CACNA2D4: variants seen among roughly 807,000 people sequenced by gnomAD.
CACNA2D4 encodes calcium voltage-gated channel auxiliary subunit alpha2delta 4.
In CACNA2D4, 157 loss-of-function variants were observed where a neutral mutation model predicts 163.8. The ratio of observed to expected loss-of-function variants is 0.96; its 90% CI spans 0.84 to 1.09. The LOEUF is 1.09. Ranked by LOEUF, CACNA2D4 falls within the 50% of genes least tolerant of loss-of-function variation. The pLI, the probability that CACNA2D4 is intolerant of heterozygous loss-of-function variation, is 0.00. For missense variants in CACNA2D4, 1,410 were observed against 1,479.9 expected (o/e 0.95, Z 0.78); for synonymous variants, 598 against 586.9 (o/e 1.02, Z -0.27).
Position 1,824,871 on chromosome 12 carries a change from C to G in CACNA2D4, c.2552-13148G>C, listed in dbSNP as rs142324459. Among the ~76,000 whole-genome samples the G allele has an allele frequency of 9.7e-3, 1,478 of 152,294 alleles. 13 individuals carry two copies. The highest frequency in any genetic ancestry group is 0.015 in the Admixed American group (226 of 15,306). On this transcript the variant is annotated intron_variant, in intron 26 of 37. Coordinates refer to ENST00000382722, the MANE Select transcript of CACNA2D4 (RefSeq NM_172364.5). ...AGGAGTCCCTCTGTGGTGCCACACA[C>G]ATATGACTGGTGTTCCCTGCAAGCT...
intron 26 of CACNA2D4, chr12:1,831,568 A>T (rs1173778839): frequency 9.2e-6 from 14 of 1,518,792 alleles, no homozygotes; most frequent in Non-Finnish European, 1.2e-5. Flanking sequence ...GATTGGGACG[A>T]TCACCTCTGG....
intron 23 of CACNA2D4, 31 bp from the exon 24 acceptor site, chr12:1,846,720 C>G (rs773309960): frequency 6.4e-7 from 1 of 1,552,556 alleles, no homozygotes. Flanking sequence ...GAATGGTCAC[C>G]ACATGGCTGT....
intron 23 of CACNA2D4, 129 bp from the exon 24 acceptor site, chr12:1,846,818 C>CT: frequency 1.3e-6 from 1 of 756,686 alleles, no homozygotes; most frequent in Admixed American, 2.1e-5. Context: ...TCCAGGAAGG[C>CT]TGGGTTCCTG....
rs1181787062 is a variant in CACNA2D4 at position 1,820,020 on chromosome 12, G to T, written c.2552-8297C>A. Among the ~76,000 whole-genome samples, 1 of 152,228 alleles carries T rather than the reference G, an allele frequency of 6.6e-6. No homozygotes were observed. The highest frequency in any genetic ancestry group is 1.5e-5 in the Non-Finnish European group (1 of 68,040). On this transcript the variant is annotated intron_variant, in intron 26 of 37. Coordinates refer to ENST00000382722, the MANE Select transcript of CACNA2D4 (RefSeq NM_172364.5). The surrounding 1 kb of genome is among the most constrained non-coding windows in gnomAD (Gnocchi z 6.0). Reference sequence around the variant, plus strand: ...GTAGGGTCATCTGGCACATGGACATGCCTGTGTACCCTTCTTTCGTATGAC... The same window carrying T: ...GTAGGGTCATCTGGCACATGGACATTCCTGTGTACCCTTCTTTCGTATGAC...
At chr12:1,837,283 A>C (rs7300436) in intron 26 of CACNA2D4, among the ~76,000 whole-genome samples, 2,923 of 152,228 alleles carry the variant, frequency 0.019, 79 homozygotes, top group African/African-American at 0.06. Flanking sequence ...TTTCAGCCTC[A>C]CTGGATGCTG....
intron 27 of CACNA2D4, 63 bp from the exon 28 acceptor site, chr12:1,810,650 G>A (rs1863676129): frequency 2.0e-6 from 3 of 1,485,782 alleles, no homozygotes; most frequent in South Asian, 2.4e-5. Context: ...GCACGTGTAA[G>A]TGGGAATGCT....
At chr12:1,897,062 G>A (rs1189034912) in intron 6 of CACNA2D4, among the ~76,000 whole-genome samples, 3 of 74,310 alleles carry the variant, frequency 4.0e-5, no homozygotes, top group African/African-American at 1.3e-4. Flanking sequence ...CGGGAGCGGT[G>A]GCTCTTGCTT....
Position 1,917,999 on chromosome 12 carries a change from C to T in CACNA2D4, c.227+248G>A. On this transcript the variant is annotated intron_variant, in intron 1 of 37. Coordinates refer to ENST00000382722, the MANE Select transcript of CACNA2D4 (RefSeq NM_172364.5). The surrounding 1 kb of genome is among the most constrained non-coding windows in gnomAD (Gnocchi z 4.3). ...CAGCAGCCCTGATGATCAGTTCTTC[C>T]TAAAGCCATCCGGCTCCTGGGGAGA... 2.1e-6 allele frequency: 1 copy of T among 471,532 alleles called. No individual in the cohort carries two copies. Among genetic ancestry groups the T allele is most frequent in the Non-Finnish European group, 3.8e-6 (1 of 265,106 alleles). The allele number at this position is 471,532 out of a possible 1,614,324, so 29.2% of individuals were successfully genotyped here.
intron 1 of CACNA2D4, among the ~76,000 whole-genome samples, chr12:1,916,016 T>C (rs1866968290): frequency 6.6e-6 from 1 of 152,126 alleles, no homozygotes; most frequent in South Asian, 2.1e-4. Flanking sequence ...AAGGCTTCCC[T>C]GGGGAGGGAG....
chr12:1,829,883 G>C lies in CACNA2D4; in HGVS notation c.2551+10856C>G, dbSNP rs61909414. Among the ~76,000 whole-genome samples the C allele has an allele frequency of 1.3e-5, 2 of 152,094 alleles. No individual in the cohort carries two copies. The highest frequency in any genetic ancestry group is 1.3e-4 in the Admixed American group (2 of 15,274). The stretch of plus-strand genomic sequence containing the variant: ...TGAATTCTTCCCAGTTCTCTTTCAC[G>C]ATGAGCAGGCTTCTCTGCTACTCAG... On this transcript the variant is annotated intron_variant, in intron 26 of 37. Coordinates refer to ENST00000382722, the MANE Select transcript of CACNA2D4 (RefSeq NM_172364.5). This position sits in a 1 kb window ranked among gnomAD's most constrained non-coding sequence, Gnocchi z 4.2.
intron 6 of CACNA2D4, among the ~76,000 whole-genome samples, chr12:1,897,193 G>C (rs1449680905): frequency 6.6e-6 from 1 of 152,174 alleles, no homozygotes; most frequent in Non-Finnish European, 1.5e-5. Flanking sequence ...TGGGGGTAGA[G>C]AGTAGAATGA....
In CACNA2D4 at chr12:1,800,366, C is replaced by G. The variant is rs1246094327; in HGVS notation, c.2921+20G>C. 1 of 1,613,552 alleles carries G rather than the reference C, an allele frequency of 6.2e-7. No individual in the cohort carries two copies. Reference sequence around the variant, plus strand: ...CCTCGCATGCAGCCCTCCACCAGCCCCGTGTCTACCCCCACTCACAGCACC... The same window carrying G: ...CCTCGCATGCAGCCCTCCACCAGCCGCGTGTCTACCCCCACTCACAGCACC... On this transcript the variant is annotated intron_variant, in intron 32 of 37. Transcript: ENST00000382722.
At chr12:1,860,118 C>A in intron 19 of CACNA2D4, 27 bp downstream of exon 19, 4 of 1,588,214 alleles carry the variant, frequency 2.5e-6, no homozygotes, top group Non-Finnish European at 3.5e-6. Context: ...ACCCTCACCC[C>A]GTGCAAATAA....
chr12:1,811,031 G>C (rs1441694582), intron 27 of CACNA2D4, among the ~76,000 whole-genome samples: 1 of 152,232 alleles, frequency 6.6e-6, no homozygotes, highest in East Asian at 1.9e-4. Context: ...TGCACTGGCT[G>C]TCTGGTTGAG....
intron 20 of CACNA2D4, among the ~76,000 whole-genome samples, chr12:1,857,288 G>C (rs1865421260): frequency 6.6e-6 from 1 of 152,234 alleles, no homozygotes; most frequent in Non-Finnish European, 1.5e-5. Context: ...ACAGATGACA[G>C]CTAAGCTGGG....
chr12:1,819,334 A>G (rs1864002537), intron 26 of CACNA2D4, among the ~76,000 whole-genome samples: 1 of 152,088 alleles, frequency 6.6e-6, no homozygotes, highest in South Asian at 2.1e-4. Flanking sequence ...CCAGAGGTAA[A>G]AGACACTGCA....
At position 1,907,510 on chromosome 12, in the gene CACNA2D4, G is replaced by A. The variant is rs367634803; in HGVS notation, c.711C>T (p.Asn237=). 2.5e-6 allele frequency: 4 copies of A among 1,613,616 alleles called. No individual in the cohort carries two copies. The African/African-American group carries it at 4.0e-5, about 16-fold the overall frequency. Residue 237 remains asparagine, a synonymous_variant, in exon 6 of 38, where the codon AAC becomes AAT. Transcript: ENST00000382722. The part of the protein sequence containing the change: ...SEALNAVFVE[N]FQRDPTLTWQ... ...AGGTCAACGTTGGGTCTCTCTGGAA[G>A]TTCTCCACGAAGACAGCATTCAAGG...
intron 26 of CACNA2D4, among the ~76,000 whole-genome samples, chr12:1,816,852 A>C (rs73593729): frequency 6.6e-6 from 1 of 152,158 alleles, no homozygotes; most frequent in Non-Finnish European, 1.5e-5. Flanking sequence ...ACACATGGAC[A>C]CACAGGCATA....
At chr12:1,825,406 T>C (rs895831593) in intron 26 of CACNA2D4, among the ~76,000 whole-genome samples, 4 of 152,166 alleles carry the variant, frequency 2.6e-5, no homozygotes, top group African/African-American at 9.7e-5. Context: ...GGCCTCAACA[T>C]GGGCCCTGGG....
Sources: allele counts gnomAD v4.1 joint callset (sites outside exome capture counted in the v4.1 genomes callset), GRCh38; gene constraint gnomAD v4.1.1; non-coding constraint Gnocchi (gnomAD v3.1); transcripts MANE v1.5; gene names NCBI Gene and HGNC (gene_info 2026-07-23, HGNC 2026-07-21).